Variants in ZNF469 observed in about 807,000 individuals in gnomAD.
The protein encoded by ZNF469 is zinc finger protein 469.
Under a neutral mutation model 1.0 loss-of-function variants are expected in ZNF469, and 1 was observed. The ratio of observed to expected loss-of-function variants is 1.00; its 90% CI spans 0.35 to 4.73. ZNF469 has a LOEUF of 4.73. ZNF469 is among the 30% of genes most tolerant of loss of function. ZNF469 has a pLI of 0.16. For missense variants in ZNF469, 6,100 were observed against 5,356.3 expected, an observed-to-expected ratio of 1.14 and a Z score of -4.33; for synonymous variants, 2,703 against 2,363.4, an observed-to-expected ratio of 1.14 and a Z score of -4.17.
chr16:88,215,654 T>A, the ZNF469 span, among the ~76,000 whole-genome samples: 1 of 152,058 alleles, frequency 6.6e-6, no homozygotes, highest in Non-Finnish European at 1.5e-5. Context: ...CCTCCCAAAG[T>A]CCTGGGATTA....
chr16:88,208,338 C>T, the ZNF469 span, among the ~76,000 whole-genome samples: 1,876 of 151,096 alleles, frequency 0.012, 47 homozygotes, highest in African/African-American at 0.042. Context: ...TGGAACTTTT[C>T]CCATGAAGCC....
At chr16:88,254,990 A>C in the ZNF469 span, among the ~76,000 whole-genome samples, 2 of 152,220 alleles carry the variant, frequency 1.3e-5, no homozygotes, top group African/African-American at 2.4e-5. Flanking sequence ...AATTTCTCTC[A>C]ATAATCTTTT....
chr16:88,295,849 T>A, the ZNF469 span, among the ~76,000 whole-genome samples: 2 of 152,074 alleles, frequency 1.3e-5, no homozygotes, highest in Non-Finnish European at 2.9e-5. Flanking sequence ...TGACAGACAC[T>A]CTCATCAACA....
chr16:88,112,986 G>C, the ZNF469 span, among the ~76,000 whole-genome samples: 2 of 152,068 alleles, frequency 1.3e-5, no homozygotes, highest in African/African-American at 2.4e-5. Context: ...CACCGTGTTA[G>C]CCAGGATGGT....
At position 88,430,882 on chromosome 16, in the gene ZNF469, C is replaced by A; in HGVS notation, c.3412C>A (p.Pro1138Thr). 1.3e-6 allele frequency: 2 copies of A among 1,537,494 alleles called. No homozygotes were observed. The highest frequency in any genetic ancestry group is 1.7e-6 in the Non-Finnish European group (2 of 1,146,012). The change falls in exon 3 of 3, where the codon CCC becomes ACC. Residue 1138 changes from proline to threonine, a missense_variant. Physicochemically the swap from Pro to Thr is conservative, Grantham distance 38 (BLOSUM62 -1). Transcript: ENST00000565624. Reference protein sequence around the residue: ...QGPREDEPQKPRKAARQEAGG... With the variant: ...QGPREDEPQKTRKAARQEAGG... ...TCCCAGAGAGGATGAGCCACAGAAA[C>A]CCCGGAAGGCGGCGAGGCAGGAAGC... is the stretch of plus-strand genomic sequence containing the variant.
At chr16:88,194,271 T>G in the ZNF469 span, 2 of 152,408 alleles carry the variant, frequency 1.3e-5, no homozygotes, top group South Asian at 4.1e-4. Context: ...ACGTCCTCAG[T>G]GCCCCGTGAT....
chr16:88,247,055 GTGAT>G, the ZNF469 span, among the ~76,000 whole-genome samples: 91,756 of 149,352 alleles, frequency 0.61, 29,094 homozygotes, highest in African/African-American at 0.81. Flanking sequence ...GAATGAGTGA[GTGAT>G]TGAGTGAGTG....
chr16:88,353,154 A>G, the ZNF469 span, among the ~76,000 whole-genome samples: 3 of 152,086 alleles, frequency 2.0e-5, no homozygotes, highest in Admixed American at 6.5e-5. Flanking sequence ...GTCGCCTAAC[A>G]GTCCTGCGGA....
chr16:88,250,557 G>A, the ZNF469 span, among the ~76,000 whole-genome samples: 17 of 152,116 alleles, frequency 1.1e-4, no homozygotes, highest in East Asian at 7.7e-4. Flanking sequence ...ATTTCTTCAC[G>A]TATTTTTCAA....
the ZNF469 span, among the ~76,000 whole-genome samples, chr16:88,348,054 G>A: frequency 6.6e-6 from 1 of 152,390 alleles, no homozygotes; most frequent in East Asian, 1.9e-4. Context: ...GCATGGTCGT[G>A]GTGGGCCAGG....
At chr16:88,186,737 G>A in the ZNF469 span, among the ~76,000 whole-genome samples, 33 of 152,228 alleles carry the variant, frequency 2.2e-4, no homozygotes, top group African/African-American at 7.7e-4. Flanking sequence ...TGTGCAAGCC[G>A]CTCCGTGTTG....
At chr16:88,127,965 G>A in the ZNF469 span, among the ~76,000 whole-genome samples, 7 of 152,232 alleles carry the variant, frequency 4.6e-5, no homozygotes, top group Non-Finnish European at 1.0e-4. Context: ...AGGACACACA[G>A]GCACGAGGCT....
chr16:88,157,551 C>T, the ZNF469 span, among the ~76,000 whole-genome samples: 2 of 152,142 alleles, frequency 1.3e-5, no homozygotes, highest in East Asian at 1.9e-4. Flanking sequence ...CTCCTCCACC[C>T]TCCGCCACCC....
chr16:88,366,675 TATCACCATCACCATCATCATC>T, the ZNF469 span, among the ~76,000 whole-genome samples: 1 of 137,794 alleles, frequency 7.3e-6, no homozygotes, highest in Non-Finnish European at 1.6e-5. Flanking sequence ...TTATCGTCAC[TATCACCATCACCATCATCATC>T]ATCACCATCA....
chr16:88,212,547 T>G, the ZNF469 span, among the ~76,000 whole-genome samples: 6 of 152,184 alleles, frequency 3.9e-5, no homozygotes, highest in African/African-American at 1.2e-4. Flanking sequence ...ATTCTTCTCT[T>G]TCTTTCTTTC....
chr16:88,221,541 C>T, the ZNF469 span, among the ~76,000 whole-genome samples: 2 of 152,278 alleles, frequency 1.3e-5, no homozygotes, highest in South Asian at 2.1e-4. Context: ...CAGACTGTGC[C>T]GGAGAAGGGG....
At chr16:88,372,463 AC>A in the ZNF469 span, among the ~76,000 whole-genome samples, 1 of 148,880 alleles carries the variant, frequency 6.7e-6, no homozygotes, top group Non-Finnish European at 1.5e-5. Flanking sequence ...CACCATCACT[AC>A]CATTACCATC....
chr16:88,352,123 G>A, the ZNF469 span, among the ~76,000 whole-genome samples: 59 of 152,264 alleles, frequency 3.9e-4, no homozygotes, highest in African/African-American at 1.3e-3. Context: ...GGCTGGGGGC[G>A]GGGGATGGAG....
the ZNF469 span, among the ~76,000 whole-genome samples, chr16:88,110,884 C>T: frequency 1.3e-5 from 2 of 152,346 alleles, no homozygotes; most frequent in East Asian, 1.9e-4. Context: ...TGCAGCCGGG[C>T]TCTGTGGGGC....
Sources: allele counts gnomAD v4.1 joint callset (sites outside exome capture counted in the v4.1 genomes callset), GRCh38; gene constraint gnomAD v4.1.1; transcripts MANE v1.5; gene names NCBI Gene and HGNC (gene_info 2026-07-23, HGNC 2026-07-21).